DOCK8: variants seen among roughly 807,000 people sequenced by gnomAD.
DOCK8 encodes the protein dedicator of cytokinesis protein 8.
A neutral mutation model predicts 245.6 loss-of-function variants in DOCK8; 141 were observed. The ratio of observed to expected loss-of-function variants is 0.57; its 90% confidence interval spans 0.50 to 0.66. The LOEUF (loss-of-function observed/expected upper bound fraction) is 0.66, where lower values mean the gene tolerates loss of function less well. Ranked by LOEUF, DOCK8 falls within the 30% of genes least tolerant of loss-of-function variation. DOCK8 has a pLI of 0.00. For missense variants in DOCK8, 2,965 were observed against 2,603.4 expected (o/e 1.14, Z -3.02); for synonymous variants, 1,168 against 970.2 (o/e 1.20, Z -3.79).
At chr9:223,597 A>G (rs2046929117) in intron 1 of DOCK8, among the ~76,000 whole-genome samples, 1 of 152,064 alleles carries the variant, frequency 6.6e-6, no homozygotes, top group African/African-American at 2.4e-5. Flanking sequence ...ATTTATTTTT[A>G]AAAAGAAACT....
chr9:265,657 T>C (rs2048020016), intron 1 of DOCK8, among the ~76,000 whole-genome samples: 1 of 152,218 alleles, frequency 6.6e-6, no homozygotes, highest in Non-Finnish European at 1.5e-5. Flanking sequence ...CCAGCCATTT[T>C]GGCTGCCGGC....
At position 422,120 on chromosome 9, in the gene DOCK8, A is replaced by G. The variant is rs1215498063; in HGVS notation, c.4226A>G (p.Asn1409Ser). ...KKEQTHWRQA[N>S]EKLDKTKAEL... Reference sequence around the variant, plus strand: ...GAGCAGACACATTGGCGGCAAGCTAATGAGAAGCTAGATAAGTGAGTCACT... The same window carrying G: ...GAGCAGACACATTGGCGGCAAGCTAGTGAGAAGCTAGATAAGTGAGTCACT... The change falls in exon 33 of 48, where the codon AAT becomes AGT. Residue 1409 changes from asparagine to serine, a missense_variant. By Grantham distance (46) the Asn-to-Ser change is conservative (BLOSUM62 1). This residue lies in a region of DOCK8 where 2,825 missense variants were observed against 2,453.5 expected (regional missense o/e 1.15). Transcript: ENST00000432829. 6.2e-7 allele frequency: 1 copy of G among 1,614,098 alleles called. No homozygotes were observed. Among genetic ancestry groups the G allele is most frequent in the South Asian group, 1.1e-5 (1 of 91,086 alleles).
At chr9:250,699 A>G (rs989996489) in intron 1 of DOCK8, among the ~76,000 whole-genome samples, 4 of 152,230 alleles carry the variant, frequency 2.6e-5, no homozygotes, top group Non-Finnish European at 5.9e-5. Flanking sequence ...GGATGATCAA[A>G]TAGTAGAGTT....
At chr9:390,019 CAA>C (rs76435713) in intron 23 of DOCK8, among the ~76,000 whole-genome samples, 5 of 137,966 alleles carry the variant, frequency 3.6e-5, no homozygotes, top group Non-Finnish European at 4.7e-5. Context: ...AGCCCTATCT[CAA>C]AAAAAAAAAA....
In DOCK8 at chr9:287,881, A is replaced by G. The variant is rs529183331; in HGVS notation, c.332+1245A>G. 2.8e-4 allele frequency among the ~76,000 whole-genome samples: 43 copies of G among 152,274 alleles called. 2 individuals are homozygous for G. The highest frequency in any genetic ancestry group is 9.6e-4 in the African/African-American group (40 of 41,560). ...AGAATCTTGGAAAAAGCTGTTTAAA[A>G]TGCTTACAGTAGCCAGTCACCGCAG... On this transcript the variant is annotated intron_variant, in intron 3 of 47. Coordinates refer to ENST00000432829, the MANE Select transcript of DOCK8 (RefSeq NM_203447.4).
intron 5 of DOCK8, among the ~76,000 whole-genome samples, chr9:307,144 T>C (rs1162561335): frequency 6.6e-6 from 1 of 151,966 alleles, no homozygotes; most frequent in Non-Finnish European, 1.5e-5. Context: ...GTGCTCCCTA[T>C]TGACAGAACC....
At chr9:384,992 G>A (rs1001050932) in intron 22 of DOCK8, among the ~76,000 whole-genome samples, 1 of 152,144 alleles carries the variant, frequency 6.6e-6, no homozygotes. Flanking sequence ...TCTGTAGTTT[G>A]AGCCATCAGG....
At chr9:402,132 C>T (rs914354515) in intron 26 of DOCK8, among the ~76,000 whole-genome samples, 4 of 152,200 alleles carry the variant, frequency 2.6e-5, no homozygotes, top group Admixed American at 2.0e-4. Context: ...TCTTCATTCC[C>T]GACAGGGAAA....
chr9:248,407 G>A (rs759753724), intron 1 of DOCK8, among the ~76,000 whole-genome samples: 1 of 152,126 alleles, frequency 6.6e-6, no homozygotes, highest in Admixed American at 6.6e-5. Flanking sequence ...TATGTCAAGT[G>A]TTCTCTTTCT....
intron 22 of DOCK8, among the ~76,000 whole-genome samples, chr9:384,065 C>T (rs1057310591): frequency 1.3e-4 from 20 of 152,204 alleles, no homozygotes; most frequent in African/African-American, 4.6e-4. Context: ...TTACATTTTG[C>T]AGTCTTGCCT....
At chr9:376,135 G>T in intron 18 of DOCK8, 75 bp from the exon 19 acceptor site, 1 of 989,556 alleles carries the variant, frequency 1.0e-6, no homozygotes, top group Non-Finnish European at 1.6e-6. Flanking sequence ...TTCCAGTCAA[G>T]TTGGTCTGCA....
chr9:239,020 CG>C (rs1379024717), intron 1 of DOCK8, among the ~76,000 whole-genome samples: 3 of 152,294 alleles, frequency 2.0e-5, no homozygotes, highest in African/African-American at 7.2e-5. Flanking sequence ...TCAAGGAAAC[CG>C]GAGTACCCTG....
chr9:363,290 T>C (rs1477706118), intron 14 of DOCK8, among the ~76,000 whole-genome samples: 1 of 152,232 alleles, frequency 6.6e-6, no homozygotes, highest in African/African-American at 2.4e-5. Context: ...AAAATAACTT[T>C]GCCATAACAA....
chr9:294,652 T>G (rs748094034), intron 4 of DOCK8, among the ~76,000 whole-genome samples: 12 of 152,224 alleles, frequency 7.9e-5, no homozygotes, highest in Non-Finnish European at 7.3e-5. Flanking sequence ...TACAGCAGTT[T>G]AGCAGTTTTA....
intron 7 of DOCK8, among the ~76,000 whole-genome samples, chr9:320,042 G>A (rs986752237): frequency 3.9e-5 from 6 of 152,196 alleles, no homozygotes; most frequent in African/African-American, 1.2e-4. Flanking sequence ...CTGCATGCTG[G>A]CTAACTTCTT....
intron 20 of DOCK8, among the ~76,000 whole-genome samples, chr9:378,575 A>G (rs1355353110): frequency 6.6e-6 from 1 of 152,238 alleles, no homozygotes; most frequent in Non-Finnish European, 1.5e-5. Context: ...AGATTCTTGC[A>G]GAGCTCTGCC....
chr9:430,965 G>A (rs865876653), intron 36 of DOCK8, among the ~76,000 whole-genome samples: 1 of 152,084 alleles, frequency 6.6e-6, no homozygotes, highest in South Asian at 2.1e-4. Context: ...CAACTCCTGG[G>A]CTCAAATGAT....
chr9:403,575 A>G (rs117896379), intron 26 of DOCK8, among the ~76,000 whole-genome samples: 6,462 of 152,186 alleles, frequency 0.042, 204 homozygotes, highest in Middle Eastern at 0.071. Flanking sequence ...GGCTGAAAAT[A>G]TGTGTTCATT....
chr9:441,503 G>A, intron 41 of DOCK8, 86 bp downstream of exon 41: 1 of 1,593,166 alleles, frequency 6.3e-7, no homozygotes, highest in Non-Finnish European at 8.6e-7. Context: ...TTCCTCTCCA[G>A]GGAGTGATTT....
Sources: allele counts gnomAD v4.1 joint callset (sites outside exome capture counted in the v4.1 genomes callset), GRCh38; gene constraint gnomAD v4.1.1; regional missense constraint gnomAD v4.1.1; transcripts MANE v1.5; gene names NCBI Gene and HGNC (gene_info 2026-07-23, HGNC 2026-07-21).